SPAG9: variants seen among roughly 807,000 people sequenced by gnomAD.
SPAG9 encodes the protein C-Jun-amino-terminal kinase-interacting protein 4.
A neutral mutation model predicts 166.5 loss-of-function variants in SPAG9; 35 were observed. That is an observed-to-expected ratio of 0.21 (90% CI 0.16 to 0.28). SPAG9 has a LOEUF of 0.28. SPAG9 is among the 10% of genes least tolerant of loss of function. The probability of loss-of-function intolerance (pLI) is 1.00; values close to 1 mark genes in which losing one functional copy is unlikely to be tolerated. For missense variants in SPAG9, 1,235 were observed against 1,603.3 expected, an observed-to-expected ratio of 0.77 and a Z score of 3.92; for synonymous variants, 534 against 565.5, an observed-to-expected ratio of 0.94 and a Z score of 0.79.
In SPAG9 at chr17:50,999,721, CAT is replaced by C. The variant is rs2044845637; in HGVS notation, c.1608-6_1608-5del. ...GGCTGGATTTTCTCGTGATGCCCTA[CAT>C]TCAAAAAGAAAAGAAAAGAAACATT... On this transcript the variant is annotated splice_polypyrimidine_tract_variant and splice_region_variant and intron_variant, in intron 13 of 29. Coordinates refer to ENST00000262013, the MANE Select transcript of SPAG9 (RefSeq NM_001130528.3). 6.2e-7 allele frequency: 1 copy of C among 1,611,024 alleles called. No individual in the cohort carries two copies. Among genetic ancestry groups the C allele is most frequent in the South Asian group, 1.1e-5 (1 of 90,622 alleles).
At chr17:51,012,334 G>A (rs901540099) in intron 9 of SPAG9, among the ~76,000 whole-genome samples, 1 of 152,136 alleles carries the variant, frequency 6.6e-6, no homozygotes, top group African/African-American at 2.4e-5. Flanking sequence ...CACTCTGGGA[G>A]GCCAAGACAG....
At chr17:50,979,699 A>T (rs1974455331) in intron 26 of SPAG9, 47 bp downstream of exon 26, 2 of 1,565,758 alleles carry the variant, frequency 1.3e-6, no homozygotes, top group Non-Finnish European at 1.8e-6. Context: ...TAGATAAAAT[A>T]AAACACCCTC....
chr17:51,013,903 CACACACACACACACAT>C (rs1322008344), intron 9 of SPAG9, among the ~76,000 whole-genome samples: 374 of 2,170 alleles, frequency 0.17, 1 homozygote, highest in South Asian at 0.33. Flanking sequence ...CATACACATA[CACACACACACACACAT>C]ACACACACAC....
chr17:51,014,938 A>G (rs1043858933), intron 8 of SPAG9, among the ~76,000 whole-genome samples: 3 of 152,074 alleles, frequency 2.0e-5, no homozygotes, highest in African/African-American at 4.8e-5. Context: ...GGGGAAGTGT[A>G]TATGTTTGTG....
chr17:50,985,516 C>T (rs1416162840), intron 23 of SPAG9, among the ~76,000 whole-genome samples, 182 bp downstream of exon 23: 2 of 152,132 alleles, frequency 1.3e-5, no homozygotes, highest in Non-Finnish European at 2.9e-5. Flanking sequence ...CTTTCTACTT[C>T]GTTTTCTATT....
chr17:51,047,837 C>G (rs2047073404), intron 3 of SPAG9, among the ~76,000 whole-genome samples: 1 of 151,842 alleles, frequency 6.6e-6, no homozygotes, highest in South Asian at 2.1e-4. Context: ...TAATAGATGG[C>G]ATTTGAGAAA....
At chr17:51,073,427 A>G (rs532734313) in intron 2 of SPAG9, among the ~76,000 whole-genome samples, 48 of 152,068 alleles carry the variant, frequency 3.2e-4, no homozygotes, top group Non-Finnish European at 6.0e-4. Flanking sequence ...GGTTGAGGCT[A>G]CAGTGAGCCA....
Position 50,977,161 on chromosome 17 carries a change from C to T in SPAG9, c.3470G>A (p.Arg1157His), listed in dbSNP as rs757832601. The change falls in exon 27 of 30, where the codon CGT becomes CAT. Residue 1157 changes from arginine (R) to histidine (H), a missense_variant. Coordinates refer to ENST00000262013, the MANE Select transcript of SPAG9 (RefSeq NM_001130528.3). ...RITALMVSCN[R>H]LWVGTGNGVI... is the part of the protein sequence containing the mutation. Reference sequence around the variant, plus strand: ...ACCATTTCCTGTCCCCACCCACAAACGATTACAAGACACCATAAGAGCTGT... The same window carrying T: ...ACCATTTCCTGTCCCCACCCACAAATGATTACAAGACACCATAAGAGCTGT... 6.2e-6 allele frequency: 10 copies of T among 1,613,726 alleles called. No individual in the cohort carries two copies. The highest frequency in any genetic ancestry group is 1.7e-5 in the Admixed American group (1 of 60,008).
intron 2 of SPAG9, among the ~76,000 whole-genome samples, chr17:51,062,525 T>C (rs1014423419): frequency 1.3e-5 from 2 of 152,228 alleles, no homozygotes; most frequent in Admixed American, 6.5e-5. Context: ...GGGAATCATA[T>C]AGTACCTAGC....
intron 15 of SPAG9, among the ~76,000 whole-genome samples, chr17:50,997,521 G>A (rs1276383814): frequency 6.6e-6 from 1 of 152,116 alleles, no homozygotes; most frequent in African/African-American, 2.4e-5. Context: ...AAACTTTGGA[G>A]TTATAAGGTA....
chr17:51,064,485 G>A lies in SPAG9; in HGVS notation c.425-8003C>T, dbSNP rs532369482. ...TATATAGGCAATTGAAATGGGGGTGGAGGGTATCCCATAAAACAATATTAT... is the reference window on the plus strand; with the variant it reads ...TATATAGGCAATTGAAATGGGGGTGAAGGGTATCCCATAAAACAATATTAT... On this transcript the variant is annotated intron_variant, in intron 2 of 29. Transcript: ENST00000262013. Among the ~76,000 whole-genome samples, 16 of 152,266 alleles carry A rather than the reference G, an allele frequency of 1.1e-4. No homozygotes were observed. In the South Asian group the frequency reaches 3.3e-3, roughly 32 times the overall value.
intron 8 of SPAG9, among the ~76,000 whole-genome samples, chr17:51,016,065 C>T (rs890821421): frequency 6.6e-6 from 1 of 152,104 alleles, no homozygotes; most frequent in Admixed American, 6.6e-5. Context: ...CAAATAACAA[C>T]ACCCTGAACT....
chr17:51,066,158 T>C (rs1598115886), intron 2 of SPAG9, among the ~76,000 whole-genome samples: 1 of 151,266 alleles, frequency 6.6e-6, no homozygotes, highest in East Asian at 2.0e-4. Flanking sequence ...CAGGCTGGAG[T>C]GCAATGGCAC....
At chr17:51,069,862 T>C (rs575859324) in intron 2 of SPAG9, among the ~76,000 whole-genome samples, 1 of 152,198 alleles carries the variant, frequency 6.6e-6, no homozygotes, top group East Asian at 1.9e-4. Context: ...ATCTAACACA[T>C]TTGACTTCAG....
intron 1 of SPAG9, among the ~76,000 whole-genome samples, chr17:51,091,775 G>C (rs1319914540): frequency 6.6e-6 from 1 of 151,268 alleles, no homozygotes; most frequent in East Asian, 1.9e-4. Flanking sequence ...CAACATTAAA[G>C]TGACTTCAGA....
At chr17:51,119,614 T>A (rs1382573439) in intron 1 of SPAG9, among the ~76,000 whole-genome samples, 1 of 152,166 alleles carries the variant, frequency 6.6e-6, no homozygotes. Flanking sequence ...GAAAAAGTGT[T>A]GCCAACTGTC....
At chr17:50,989,041 C>CA (rs754508383) in intron 21 of SPAG9, among the ~76,000 whole-genome samples, 31 of 136,546 alleles carry the variant, frequency 2.3e-4, no homozygotes, top group Admixed American at 4.3e-4. Context: ...ACAGTAAGTA[C>CA]AAAAAAAAAG....
chr17:50,970,638 A>G, intron 29 of SPAG9, 69 bp downstream of exon 29: 1 of 1,350,700 alleles, frequency 7.4e-7, no homozygotes, highest in Non-Finnish European at 1.0e-6. Context: ...GTGGTTTCTT[A>G]TTTACTTTGG....
chr17:51,006,970 T>C (rs140067607), intron 10 of SPAG9, among the ~76,000 whole-genome samples: 1 of 152,056 alleles, frequency 6.6e-6, no homozygotes, highest in Non-Finnish European at 1.5e-5. Context: ...GCAAAAAAAG[T>C]GTAAAACCAG....
Sources: gnomAD v4.1 joint callset for allele counts (sites outside exome capture counted in the v4.1 genomes callset) on GRCh38, gnomAD v4.1.1 for gene constraint, MANE v1.5 for transcripts, NCBI Gene and HGNC (gene_info 2026-07-23, HGNC 2026-07-21) for gene names.